The following IQSEC1 variants were observed in gnomAD, a reference collection of about 807,000 sequenced individuals.
The protein encoded by IQSEC1 is IQ motif and SEC7 domain-containing protein 1.
Under a neutral mutation model 91.0 loss-of-function variants are expected in IQSEC1, and 31 were observed. That is an observed-to-expected ratio of 0.34 (90% CI 0.26 to 0.46). The LOEUF is 0.46. Ranked by LOEUF, IQSEC1 falls within the 20% of genes least tolerant of loss-of-function variation. The pLI, the probability that IQSEC1 is intolerant of heterozygous loss-of-function variation, is 1.00. For missense variants in IQSEC1, 1,388 were observed against 1,575.6 expected, an observed-to-expected ratio of 0.88 and a Z score of 2.02; for synonymous variants, 699 against 662.6, an observed-to-expected ratio of 1.05 and a Z score of -0.84.
Position 12,921,677 on chromosome 3 carries a change from G to A in IQSEC1, c.1853+443C>T, listed in dbSNP as rs185800230. ...CACAGAGCCGGTAAGTGGTAGAGTC[G>A]GTGACTGAACCAGGCATCTGGCTGT... On this transcript the variant is annotated intron_variant, in intron 5 of 13. Coordinates refer to ENST00000613206, the MANE Select transcript of IQSEC1 (RefSeq NM_001134382.3). 8.5e-4 allele frequency among the ~76,000 whole-genome samples: 129 copies of A among 152,336 alleles called. 1 individual carries two copies. The highest frequency in any genetic ancestry group is 3.0e-3 in the African/African-American group (123 of 41,568).
chr3:13,241,316 G>C (rs764444042), intron 1 of IQSEC1, among the ~76,000 whole-genome samples: 1 of 152,234 alleles, frequency 6.6e-6, no homozygotes, highest in African/African-American at 2.4e-5. Flanking sequence ...CAAGTTGGAA[G>C]CTTTCGAAGG....
chr3:12,946,539 G>A (rs1403887345), intron 1 of IQSEC1, among the ~76,000 whole-genome samples: 2 of 152,204 alleles, frequency 1.3e-5, no homozygotes, highest in East Asian at 3.8e-4. Context: ...GATGTCCACA[G>A]CAGTGTTGTT....
chr3:13,070,723 G>A (rs463334), intron 1 of IQSEC1, among the ~76,000 whole-genome samples: 114,176 of 152,170 alleles, frequency 0.75, 43,000 homozygotes, highest in South Asian at 0.89. Flanking sequence ...GATGGCCTGG[G>A]AGTCACAATG....
intron 7 of IQSEC1, 53 bp from the exon 8 acceptor site, chr3:12,915,186 C>G (rs1402138809): frequency 2.2e-5 from 34 of 1,571,978 alleles, no homozygotes; most frequent in Non-Finnish European, 2.8e-5. Flanking sequence ...AAAGCCACGC[C>G]CAGGCCAATG....
At chr3:13,201,550 C>G (rs1694246759) in intron 1 of IQSEC1, among the ~76,000 whole-genome samples, 1 of 152,114 alleles carries the variant, frequency 6.6e-6, no homozygotes, top group Non-Finnish European at 1.5e-5. Context: ...TGCTATGTTG[C>G]TCAGGCTGGT....
At chr3:13,116,437 G>A (rs768923783) in intron 2 of IQSEC1, among the ~76,000 whole-genome samples, 31 of 152,184 alleles carry the variant, frequency 2.0e-4, no homozygotes, top group Non-Finnish European at 2.8e-4. Context: ...AGAATAGAGA[G>A]CCCAGAAATA....
At chr3:13,105,158 C>G (rs1280183959) in intron 2 of IQSEC1, among the ~76,000 whole-genome samples, 1 of 152,198 alleles carries the variant, frequency 6.6e-6, no homozygotes, top group Non-Finnish European at 1.5e-5. Context: ...TTTGAGCCCA[C>G]AAGGAACCTC....
chr3:13,014,297 T>A (rs1287829938), intron 1 of IQSEC1, among the ~76,000 whole-genome samples: 1 of 152,166 alleles, frequency 6.6e-6, no homozygotes, highest in African/African-American at 2.4e-5. Context: ...AGAGGCCTGC[T>A]TCACCATCTA....
chr3:12,914,795 G>A (rs1341902276), intron 8 of IQSEC1, among the ~76,000 whole-genome samples: 1 of 152,022 alleles, frequency 6.6e-6, no homozygotes, highest in Non-Finnish European at 1.5e-5. Context: ...CACAGAGCAG[G>A]GCCAGGTAGC....
chr3:13,088,844 T>C (rs1415546531), intron 2 of IQSEC1, among the ~76,000 whole-genome samples: 2 of 152,100 alleles, frequency 1.3e-5, no homozygotes, highest in Admixed American at 6.5e-5. Flanking sequence ...ATTCAAAATA[T>C]TTAACACAGG....
At chr3:13,194,854 G>A (rs1694098831) in intron 1 of IQSEC1, among the ~76,000 whole-genome samples, 1 of 152,060 alleles carries the variant, frequency 6.6e-6, no homozygotes, top group African/African-American at 2.4e-5. Context: ...AACCCAAAGT[G>A]GATCATCGGC....
chr3:12,982,101 C>T (rs1701491295), intron 1 of IQSEC1, among the ~76,000 whole-genome samples: 1 of 152,220 alleles, frequency 6.6e-6, no homozygotes, highest in Non-Finnish European at 1.5e-5. Flanking sequence ...GGGACTGGTG[C>T]TGAGTCACTG....
chr3:12,944,642 C>A (rs1198076720), intron 1 of IQSEC1, among the ~76,000 whole-genome samples: 1 of 152,252 alleles, frequency 6.6e-6, no homozygotes, highest in East Asian at 1.9e-4. Flanking sequence ...ATCTGTGCTT[C>A]CAGGCACAGA....
chr3:12,988,151 C>T (rs554519990), intron 1 of IQSEC1, among the ~76,000 whole-genome samples: 33 of 152,340 alleles, frequency 2.2e-4, no homozygotes, highest in African/African-American at 6.5e-4. Flanking sequence ...CGGTGGCTCA[C>T]GCCTGTAATC....
chr3:12,936,816 G>T, intron 2 of IQSEC1, 119 bp from the exon 3 acceptor site: 1 of 969,604 alleles, frequency 1.0e-6, no homozygotes, highest in Non-Finnish European at 1.5e-6. Flanking sequence ...CCCAAAGTTG[G>T]TCAAAGCAAC....
chr3:13,192,454 G>A (rs186608037), intron 1 of IQSEC1, among the ~76,000 whole-genome samples: 19 of 152,248 alleles, frequency 1.2e-4, no homozygotes, highest in African/African-American at 2.4e-4. Context: ...TCTATAACGC[G>A]AGGGAAGTTT....
At chr3:12,903,092 C>T (rs1017266180) in intron 12 of IQSEC1, among the ~76,000 whole-genome samples, 2 of 151,948 alleles carry the variant, frequency 1.3e-5, no homozygotes, top group African/African-American at 2.4e-5. Flanking sequence ...TTTTGTACTC[C>T]TCCTGGACCA....
chr3:13,244,580 G>A (rs1468413619), intron 1 of IQSEC1, among the ~76,000 whole-genome samples: 1 of 152,152 alleles, frequency 6.6e-6, no homozygotes, highest in Non-Finnish European at 1.5e-5. Context: ...CTAGTCTATT[G>A]ATTTCAAAAA....
chr3:12,939,261 C>T lies in IQSEC1; in HGVS notation c.318+2310G>A, dbSNP rs546830867. ...CGTGGCCAGGGCTCCCCCATCCGGC[C>T]CTCACTTGTCCCTTCAAGGGAAACT... On this transcript the variant is annotated intron_variant, in intron 2 of 13. Transcript: ENST00000613206. 1.8e-3 allele frequency among the ~76,000 whole-genome samples: 271 copies of T among 152,346 alleles called. 7 individuals carry two copies. In the South Asian group the frequency reaches 0.054, roughly 30 times the overall value.
Sources: allele counts gnomAD v4.1 joint callset (sites outside exome capture counted in the v4.1 genomes callset), GRCh38; gene constraint gnomAD v4.1.1; transcripts MANE v1.5; gene names NCBI Gene and HGNC (gene_info 2026-07-23, HGNC 2026-07-21).